The following FDFT1 variants were observed in gnomAD, a reference collection of about 807,000 sequenced individuals.
FDFT1 encodes squalene synthase.
In FDFT1, 68 loss-of-function variants were observed where a neutral mutation model predicts 46.8. The ratio of observed to expected loss-of-function variants is 1.45; its 90% CI spans 1.19 to 1.78. The LOEUF (loss-of-function observed/expected upper bound fraction) is 1.78. Ranked by LOEUF, FDFT1 falls within the 40% of genes most tolerant of loss-of-function variation. The pLI, the probability that FDFT1 is intolerant of heterozygous loss-of-function variation, is 0.00. For synonymous variants in FDFT1, 351 were observed against 185.1 expected (o/e 1.90, Z -7.28); for missense variants, 928 against 524.4 (o/e 1.77, Z -7.52).
At chr8:11,809,374 G>A (rs961912088) in intron 2 of FDFT1, 12 of 1,144,330 alleles carry the variant, frequency 1.0e-5, no homozygotes, top group Non-Finnish European at 1.3e-5. Flanking sequence ...CGGTCTAAAC[G>A]TTTGGTCTTC....
chr8:11,829,306 C>G (rs1810446935), intron 5 of FDFT1, among the ~76,000 whole-genome samples: 2 of 152,132 alleles, frequency 1.3e-5, no homozygotes, highest in African/African-American at 4.8e-5. Flanking sequence ...ACTATGTTTC[C>G]AGAACTTTCG....
intron 4 of FDFT1, 142 bp downstream of exon 4, chr8:11,822,020 A>G: frequency 1.0e-6 from 1 of 965,334 alleles, no homozygotes; most frequent in Non-Finnish European, 1.5e-6. Context: ...TGAATGTCTC[A>G]TCATAAACAG....
rs1297447761 is a variant in FDFT1, at chr8:11,811,442, T to TGC, written c.381+1592_381+1593insGC. 4.0e-4 allele frequency among the ~76,000 whole-genome samples: 61 copies of TGC among 152,318 alleles called. No homozygotes were observed. The East Asian group carries it at 9.1e-3, about 23-fold the overall frequency. The stretch of plus-strand genomic sequence containing the variant: ...TGGGGCATGGGATAAATGTGTTAGG[T>TGC]ATTGCTAAGTCAAGGCAGCCCTATC... On this transcript the variant is annotated intron_variant, in intron 3 of 7. Coordinates refer to ENST00000220584, the MANE Select transcript of FDFT1 (RefSeq NM_004462.5).
At chr8:11,836,765 G>A (rs189122396) in intron 7 of FDFT1, among the ~76,000 whole-genome samples, 1 of 152,378 alleles carries the variant, frequency 6.6e-6, no homozygotes, top group Non-Finnish European at 1.5e-5. Flanking sequence ...GCTGGGTGGA[G>A]TGGCTCACGC....
rs544192341 is a variant in FDFT1 at position 11,831,564 on chromosome 8, T to C, written c.926T>C (p.Val309Ala). Residue 309 changes from valine to alanine, a missense_variant, in exon 7 of 8, where the codon GTG becomes GCG. Transcript: ENST00000220584. ...TLAACYNNQQ[V>A]FKGAVKIRKG... ...GCTGCCTGTTATAATAACCAGCAGG[T>C]GTTCAAAGGGGCAGTGAAGATTCGG... 3 of 1,614,062 alleles carry C rather than the reference T, an allele frequency of 1.9e-6. No homozygotes were observed. The East Asian group carries it at 6.7e-5, about 36-fold the overall frequency.
chr8:11,805,373 G>A (rs571739995), intron 1 of FDFT1, among the ~76,000 whole-genome samples: 1 of 152,334 alleles, frequency 6.6e-6, no homozygotes, highest in East Asian at 1.9e-4. Flanking sequence ...ACGGGCATAT[G>A]CCGCCTGCAA....
At chr8:11,808,062 G>A (rs1337280152) in intron 1 of FDFT1, 1 of 164,100 alleles carries the variant, frequency 6.1e-6, no homozygotes, top group Non-Finnish European at 1.3e-5. Context: ...GGATGGAGGG[G>A]GATGTGGAAC....
intron 4 of FDFT1, among the ~76,000 whole-genome samples, chr8:11,824,855 C>T (rs1041471857): frequency 6.6e-6 from 1 of 152,176 alleles, no homozygotes; most frequent in African/African-American, 2.4e-5. Context: ...CCTGCCTTAG[C>T]CTTCTGAGTA....
In FDFT1 at chr8:11,821,892, A is replaced by T. The variant is rs751388807; in HGVS notation, c.510+14A>T. ...GAGTGGGACAAGGTTAGTCTCATAAAACAGTGTCTGTGTGTGATGTATTAG... is the reference window on the plus strand; with the variant it reads ...GAGTGGGACAAGGTTAGTCTCATAATACAGTGTCTGTGTGTGATGTATTAG... On this transcript the variant is annotated intron_variant, in intron 4 of 7. Transcript: ENST00000220584. 6.2e-7 allele frequency: 1 copy of T among 1,611,276 alleles called. No homozygotes were observed. The highest frequency in any genetic ancestry group is 1.1e-5 in the South Asian group (1 of 90,872).
intron 3 of FDFT1, among the ~76,000 whole-genome samples, chr8:11,820,872 C>T (rs559731665): frequency 8.5e-5 from 13 of 152,352 alleles, no homozygotes; most frequent in African/African-American, 2.9e-4. Context: ...CCATGGGCTG[C>T]ACCCACTGTC....
intron 4 of FDFT1, among the ~76,000 whole-genome samples, chr8:11,822,549 T>G (rs945312692): frequency 2.0e-5 from 3 of 152,120 alleles, no homozygotes; most frequent in Non-Finnish European, 2.9e-5. Flanking sequence ...GGTACTATGG[T>G]TTACCTGTAA....
At position 11,827,790 on chromosome 8, in the gene FDFT1, C is replaced by G. The variant is rs910002134; in HGVS notation, c.702+1575C>G. 3.9e-5 allele frequency among the ~76,000 whole-genome samples: 6 copies of G among 152,016 alleles called. No individual in the cohort carries two copies. The East Asian group carries it at 5.8e-4, about 15-fold the overall frequency. Reference sequence around the variant, plus strand: ...GGGCAAGGTGGCTCACGCCTGTAATCTCAACACTGGGAGACCAAGGTAGGA... The same window carrying G: ...GGGCAAGGTGGCTCACGCCTGTAATGTCAACACTGGGAGACCAAGGTAGGA... On this transcript the variant is annotated intron_variant, in intron 5 of 7. Transcript: ENST00000220584.
chr8:11,829,346 C>A (rs183765373), intron 5 of FDFT1, among the ~76,000 whole-genome samples: 3 of 152,176 alleles, frequency 2.0e-5, no homozygotes, highest in African/African-American at 7.2e-5. Flanking sequence ...TAAATAATAT[C>A]ATTAAAAATC....
chr8:11,826,895 C>T (rs913047108), intron 5 of FDFT1, among the ~76,000 whole-genome samples: 1 of 152,126 alleles, frequency 6.6e-6, no homozygotes, highest in Non-Finnish European at 1.5e-5. Context: ...TCTGGCCTCG[C>T]CTGGATTACG....
At chr8:11,809,179 A>G (rs1340421544) in intron 2 of FDFT1, 3 of 1,253,908 alleles carry the variant, frequency 2.4e-6, no homozygotes, top group Admixed American at 3.9e-5. Context: ...CAGGTCGTGT[A>G]TTTCTCGGCT....
At chr8:11,809,351 C>A (rs1245378428) in intron 2 of FDFT1, 1 of 1,113,900 alleles carries the variant, frequency 9.0e-7, no homozygotes, top group Middle Eastern at 3.9e-4. Context: ...TTTCTATTTG[C>A]TACATATTAG....
chr8:11,802,128 G>T, upstream of FDFT1: 1 of 454,310 alleles, frequency 2.2e-6, no homozygotes, highest in South Asian at 1.6e-5. Context: ...GGGGGCAGCT[G>T]AAGCTCCAGG....
chr8:11,809,560 A>C, intron 2 of FDFT1, 107 bp from the exon 3 acceptor site: 1 of 1,329,712 alleles, frequency 7.5e-7, no homozygotes, highest in Non-Finnish European at 1.0e-6. Flanking sequence ...AGTTCTTTAG[A>C]GTTAAGGGTG....
chr8:11,831,572 G>T lies in FDFT1; in HGVS notation c.934G>T (p.Gly312Trp), dbSNP rs777722684. ...TTATAATAACCAGCAGGTGTTCAAA[G>T]GGGCAGTGAAGATTCGGAAAGGGCA... ...ACYNNQQVFK[G>W]AVKIRKGQAV... The change falls in exon 7 of 8, where the codon GGG (glycine) becomes TGG (tryptophan). Residue 312 changes from glycine to tryptophan, a missense_variant. Transcript: ENST00000220584. The T allele has an allele frequency of 2.5e-6, 4 of 1,614,152 alleles. No individual in the cohort carries two copies. The highest frequency in any genetic ancestry group is 2.5e-6 in the Non-Finnish European group (3 of 1,179,964).
Sources: allele counts gnomAD v4.1 joint callset (sites outside exome capture counted in the v4.1 genomes callset), GRCh38; gene constraint gnomAD v4.1.1; transcripts MANE v1.5; gene names NCBI Gene and HGNC (gene_info 2026-07-23, HGNC 2026-07-21).